Variants in MOB1B observed in about 807,000 individuals in gnomAD.
MOB1B encodes the protein MOB kinase activator 1B.
In MOB1B, 19 loss-of-function variants were observed where a neutral mutation model predicts 24.4. The observed-to-expected ratio is 0.78, with a 90% CI of 0.54 to 1.14. The LOEUF is 1.14. Ranked by LOEUF, MOB1B falls within the 50% of genes most tolerant of loss-of-function variation. The pLI is 0.00. For missense variants in MOB1B, 243 were observed against 259.6 expected, an observed-to-expected ratio of 0.94 and a Z score of 0.44; for synonymous variants, 76 against 82.1, an observed-to-expected ratio of 0.93 and a Z score of 0.40.
At chr4:70,931,822 G>T (rs563205632) in intron 1 of MOB1B, among the ~76,000 whole-genome samples, 1 of 152,036 alleles carries the variant, frequency 6.6e-6, no homozygotes, top group Non-Finnish European at 1.5e-5. Context: ...CCTCGAACTC[G>T]TGGGCTCAAG....
intron 2 of MOB1B, among the ~76,000 whole-genome samples, chr4:70,965,745 C>T (rs1221424395): frequency 3.7e-5 from 5 of 133,978 alleles, no homozygotes; most frequent in South Asian, 2.3e-4. Flanking sequence ...TGCAGCGAGC[C>T]GAGATCACGC....
intron 4 of MOB1B, chr4:70,976,505 T>C (rs1739002678): frequency 1.0e-6 from 1 of 985,278 alleles, no homozygotes; most frequent in Non-Finnish European, 1.2e-6. Context: ...ACTTATCAAG[T>C]AGAAATTGTT....
chr4:70,923,054 C>G (rs1391052223), intron 1 of MOB1B, among the ~76,000 whole-genome samples: 2 of 152,260 alleles, frequency 1.3e-5, no homozygotes, highest in East Asian at 3.9e-4. Flanking sequence ...GCACTGGGGC[C>G]AAACAGTACC....
At chr4:70,914,845 G>A (rs1442189542) in intron 1 of MOB1B, among the ~76,000 whole-genome samples, 1 of 152,158 alleles carries the variant, frequency 6.6e-6, no homozygotes, top group South Asian at 2.1e-4. Flanking sequence ...CGCGGTTACT[G>A]CCCCACCTCC....
intron 1 of MOB1B, among the ~76,000 whole-genome samples, chr4:70,949,157 C>G (rs1008619217): frequency 6.6e-6 from 1 of 152,176 alleles, no homozygotes; most frequent in East Asian, 1.9e-4. Context: ...ACTTTTTAAT[C>G]TTATAAGAAT....
chr4:70,942,503 C>T (rs1257334766), intron 1 of MOB1B, among the ~76,000 whole-genome samples: 4 of 151,964 alleles, frequency 2.6e-5, no homozygotes, highest in Non-Finnish European at 4.4e-5. Context: ...TGAACTTTAA[C>T]ATAAATTATT....
chr4:70,907,694 G>A (rs936545396), intron 1 of MOB1B, among the ~76,000 whole-genome samples: 2 of 152,074 alleles, frequency 1.3e-5, no homozygotes, highest in Non-Finnish European at 2.9e-5. Flanking sequence ...GTGTGGTGGC[G>A]CTCAGCTGCT....
chr4:70,945,758 G>C (rs1009631228), intron 1 of MOB1B, among the ~76,000 whole-genome samples: 1 of 152,172 alleles, frequency 6.6e-6, no homozygotes, highest in Non-Finnish European at 1.5e-5. Context: ...ATAGTATCCT[G>C]TCTGAACACA....
chr4:70,955,217 T>TA (rs1374437635), intron 1 of MOB1B, among the ~76,000 whole-genome samples: 2 of 152,182 alleles, frequency 1.3e-5, no homozygotes, highest in Non-Finnish European at 2.9e-5. Flanking sequence ...GGCTCGGACT[T>TA]ACCTGAGTGC....
chr4:70,976,253 T>A (rs1360809814), intron 4 of MOB1B: 4 of 983,882 alleles, frequency 4.1e-6, no homozygotes, highest in African/African-American at 1.7e-5. Flanking sequence ...AGAATGGATA[T>A]TGAGTAGATT....
At chr4:70,902,067 C>T (rs1026769115), upstream of MOB1B, among the ~76,000 whole-genome samples, 2 of 152,200 alleles carry the variant, frequency 1.3e-5, no homozygotes, top group Non-Finnish European at 2.9e-5. Context: ...ACCTCTGGAG[C>T]CCAGCTGAGC....
chr4:70,929,807 A>G (rs1349059595), intron 1 of MOB1B, among the ~76,000 whole-genome samples: 1 of 151,968 alleles, frequency 6.6e-6, no homozygotes, highest in Non-Finnish European at 1.5e-5. Flanking sequence ...CACTGCGCCC[A>G]GCTAATTTTT....
upstream of MOB1B, chr4:70,902,289 C>A: frequency 1.7e-6 from 1 of 591,036 alleles, no homozygotes; most frequent in Non-Finnish European, 3.0e-6. Context: ...TCGCGGAGAG[C>A]CTGCCCCGCC....
chr4:70,916,783 C>T (rs28838033), intron 1 of MOB1B, among the ~76,000 whole-genome samples: 3 of 152,150 alleles, frequency 2.0e-5, no homozygotes, highest in East Asian at 1.9e-4. Flanking sequence ...TGGCTAGCCT[C>T]GTCTCGAACT....
At chr4:70,948,810 T>TAG (rs142315935) in intron 1 of MOB1B, among the ~76,000 whole-genome samples, 6,901 of 152,228 alleles carry the variant, frequency 0.045, 293 homozygotes, top group African/African-American at 0.11. Flanking sequence ...GCCTAATGTA[T>TAG]AGAGGTATGC....
At chr4:70,933,394 C>G (rs1317994819) in intron 1 of MOB1B, among the ~76,000 whole-genome samples, 1 of 152,086 alleles carries the variant, frequency 6.6e-6, no homozygotes, top group East Asian at 1.9e-4. Flanking sequence ...TATACATAAT[C>G]CATTTTATTA....
At position 70,929,809 on chromosome 4, in the gene MOB1B, C is replaced by G. The variant is rs567727153; in HGVS notation, c.14+27259C>G. ...TACAGGCACCCGCCACTGCGCCCAG[C>G]TAATTTTTTGTATTTTTAGTAGAGA... On this transcript the variant is annotated intron_variant, in intron 1 of 5. Transcript: ENST00000309395. Among the ~76,000 whole-genome samples the G allele has an allele frequency of 5.6e-4, 86 of 152,276 alleles. 1 individual carries two copies. The highest frequency in any genetic ancestry group is 2.0e-3 in the African/African-American group (84 of 41,566).
chr4:70,949,860 T>G (rs1447175236), intron 1 of MOB1B, among the ~76,000 whole-genome samples: 2 of 151,928 alleles, frequency 1.3e-5, no homozygotes, highest in African/African-American at 4.8e-5. Context: ...CAGTGAGCTG[T>G]GTTTGTGTCA....
At chr4:70,929,771 G>C (rs1390299869) in intron 1 of MOB1B, among the ~76,000 whole-genome samples, 1 of 151,612 alleles carries the variant, frequency 6.6e-6, no homozygotes, top group African/African-American at 2.4e-5. Flanking sequence ...TCAGCCTCCC[G>C]AGTAGCTGGG....
Sources: allele counts gnomAD v4.1 joint callset (sites outside exome capture counted in the v4.1 genomes callset), GRCh38; gene constraint gnomAD v4.1.1; transcripts MANE v1.5; gene names NCBI Gene and HGNC (gene_info 2026-07-23, HGNC 2026-07-21).